The following RCAN1 variants were observed in gnomAD, a reference collection of about 807,000 sequenced individuals.
The protein encoded by RCAN1 is regulator of calcineurin 1.
RCAN1 carries 11 observed loss-of-function variants against 22.9 expected under a neutral mutation model. The observed-to-expected ratio is 0.48, with a 90% CI of 0.30 to 0.79. The LOEUF is 0.79. Among genes scored for constraint, RCAN1 ranks in the 30% least tolerant of loss-of-function variants. The pLI is 0.06. For missense variants in RCAN1, 291 were observed against 337.8 expected, an observed-to-expected ratio of 0.86 and a Z score of 1.09; for synonymous variants, 136 against 142.3, an observed-to-expected ratio of 0.96 and a Z score of 0.32.
intron 1 of RCAN1, among the ~76,000 whole-genome samples, chr21:34,544,498 C>A (rs1047332417): frequency 6.6e-6 from 1 of 152,152 alleles, no homozygotes; most frequent in Non-Finnish European, 1.5e-5. Flanking sequence ...AGCAGAGAAC[C>A]CTGTTGTGCA....
At chr21:34,572,945 C>T (rs1039340213) in intron 1 of RCAN1, among the ~76,000 whole-genome samples, 2 of 152,070 alleles carry the variant, frequency 1.3e-5, no homozygotes, top group East Asian at 3.9e-4. Flanking sequence ...GGGGAATCTA[C>T]CCCCATGATC....
chr21:34,570,476 G>A (rs1201421665), intron 1 of RCAN1, among the ~76,000 whole-genome samples: 1 of 152,224 alleles, frequency 6.6e-6, no homozygotes, highest in Non-Finnish European at 1.5e-5. Context: ...TATGAGTTAA[G>A]ATTATAAAGC....
chr21:34,533,810 A>G (rs9984801), intron 1 of RCAN1, among the ~76,000 whole-genome samples: 55,441 of 152,100 alleles, frequency 0.36, 11,232 homozygotes, highest in African/African-American at 0.56. Flanking sequence ...ATGCGAGTGC[A>G]TGAGGACCTG....
chr21:34,564,199 G>A (rs554014762), intron 1 of RCAN1, among the ~76,000 whole-genome samples: 7 of 152,200 alleles, frequency 4.6e-5, no homozygotes, highest in East Asian at 1.9e-4. Context: ...GGGGGAAACC[G>A]TCCCCACGAT....
At chr21:34,584,902 C>A (rs1368309507) in intron 1 of RCAN1, among the ~76,000 whole-genome samples, 1 of 152,174 alleles carries the variant, frequency 6.6e-6, no homozygotes, top group Non-Finnish European at 1.5e-5. Flanking sequence ...TCATGTAAAT[C>A]TGTGGCATTA....
chr21:34,530,616 G>GTTTTTTTTTTTTTTTTTTTT (rs59150851), intron 1 of RCAN1, among the ~76,000 whole-genome samples: 2 of 66,196 alleles, frequency 3.0e-5, no homozygotes, highest in African/African-American at 1.1e-4. Context: ...TAGTGAAATA[G>GTTTTTTTTTTTTTTTTTTTT]TTTTTTTTTT....
At chr21:34,526,861 G>A in intron 1 of RCAN1, 1 of 1,470,444 alleles carries the variant, frequency 6.8e-7, no homozygotes, top group Non-Finnish European at 8.9e-7. Context: ...AAAGCAGTAA[G>A]GGCCAGCCCC....
At chr21:34,550,214 T>C (rs1986315989) in intron 1 of RCAN1, among the ~76,000 whole-genome samples, 1 of 152,184 alleles carries the variant, frequency 6.6e-6, no homozygotes, top group Non-Finnish European at 1.5e-5. Context: ...CATCTCCCAA[T>C]GAAGATGAAG....
intron 1 of RCAN1, chr21:34,524,944 C>G (rs1182167379): frequency 7.2e-7 from 1 of 1,383,402 alleles, no homozygotes; most frequent in Admixed American, 2.6e-5. Context: ...TTCTAGTCGC[C>G]GGGTTTTGTG....
chr21:34,588,032 C>A lies in RCAN1; in HGVS notation c.252+26728G>T, dbSNP rs192736907. On this transcript the variant is annotated intron_variant, in intron 1 of 3. Coordinates refer to ENST00000313806, the MANE Select transcript of RCAN1 (RefSeq NM_004414.7). Reference sequence around the variant, plus strand: ...CATTCCTGGGTCTCCAGCCTGTCAACCCACCCTGGAGATTTTGGACTTGCC... The same window carrying A: ...CATTCCTGGGTCTCCAGCCTGTCAAACCACCCTGGAGATTTTGGACTTGCC... Among the ~76,000 whole-genome samples the A allele has an allele frequency of 4.2e-3, 638 of 152,304 alleles. 2 individuals carry two copies. Among genetic ancestry groups the A allele is most frequent in the Non-Finnish European group, 6.7e-3 (453 of 68,016 alleles).
intron 1 of RCAN1, among the ~76,000 whole-genome samples, chr21:34,573,296 CAGACAGA>C (rs1203167645): frequency 3.3e-5 from 5 of 152,118 alleles, no homozygotes; most frequent in African/African-American, 1.2e-4. Context: ...CAGGGAGACA[CAGACAGA>C]CTAAGTCACA....
chr21:34,597,893 T>C (rs1234095365), intron 1 of RCAN1, among the ~76,000 whole-genome samples: 1 of 152,146 alleles, frequency 6.6e-6, no homozygotes, highest in East Asian at 1.9e-4. Flanking sequence ...TAAAAATAAG[T>C]GTAATTTAAA....
chr21:34,609,102 G>T lies in RCAN1; in HGVS notation c.252+5658C>A, dbSNP rs939069477. ...ACATGAAGCCAACCCTTTCCCCAAC[G>T]TCAAAGTTTGAGTTAAGGTAATTAA... is the stretch of plus-strand genomic sequence containing the variant. On this transcript the variant is annotated intron_variant, in intron 1 of 3. Transcript: ENST00000313806. 2.0e-5 allele frequency among the ~76,000 whole-genome samples: 3 copies of T among 152,110 alleles called. No homozygotes were observed. The East Asian group carries it at 5.8e-4, about 29-fold the overall frequency.
chr21:34,574,503 C>T (rs965557183), intron 1 of RCAN1, among the ~76,000 whole-genome samples: 5 of 152,114 alleles, frequency 3.3e-5, no homozygotes, highest in Admixed American at 1.3e-4. Context: ...CGAAGAAGAG[C>T]CCCCAGAAGG....
chr21:34,589,088 C>T (rs1987890572), intron 1 of RCAN1, among the ~76,000 whole-genome samples: 1 of 152,114 alleles, frequency 6.6e-6, no homozygotes. Context: ...AGATGTGCTA[C>T]ACAACAATGT....
At chr21:34,582,395 G>A (rs563785192) in intron 1 of RCAN1, among the ~76,000 whole-genome samples, 42 of 152,200 alleles carry the variant, frequency 2.8e-4, no homozygotes, top group African/African-American at 8.9e-4. Context: ...TGGTGCGCTC[G>A]CTTAGCTAGG....
At chr21:34,547,392 A>G (rs1229779661) in intron 1 of RCAN1, among the ~76,000 whole-genome samples, 1 of 152,194 alleles carries the variant, frequency 6.6e-6, no homozygotes, top group Non-Finnish European at 1.5e-5. Context: ...CACAATTTTG[A>G]AAAACATCGT....
chr21:34,565,521 G>A (rs1435040847), intron 1 of RCAN1, among the ~76,000 whole-genome samples: 1 of 152,204 alleles, frequency 6.6e-6, no homozygotes, highest in African/African-American at 2.4e-5. Context: ...TGAGGGCGCT[G>A]CAGCTGAAAC....
chr21:34,526,432 A>G (rs1985056801), intron 1 of RCAN1, among the ~76,000 whole-genome samples: 1 of 152,196 alleles, frequency 6.6e-6, no homozygotes, highest in Non-Finnish European at 1.5e-5. Flanking sequence ...CTTCCTAGTG[A>G]GTTGGTTCAG....
Sources: allele counts gnomAD v4.1 joint callset (sites outside exome capture counted in the v4.1 genomes callset), GRCh38; gene constraint gnomAD v4.1.1; transcripts MANE v1.5; gene names NCBI Gene and HGNC (gene_info 2026-07-23, HGNC 2026-07-21).